The following SLC13A3 variants were observed in gnomAD, a reference collection of about 807,000 sequenced individuals.
SLC13A3 encodes the protein solute carrier family 13 member 3.
In SLC13A3, 40 loss-of-function variants were observed where a neutral mutation model predicts 59.0. The observed-to-expected ratio is 0.68, with a 90% CI of 0.53 to 0.88. SLC13A3 has a LOEUF of 0.88. Among genes scored for constraint, SLC13A3 ranks in the 40% least tolerant of loss-of-function variants. The pLI, the probability that SLC13A3 is intolerant of heterozygous loss-of-function variation, is 0.00. For missense variants in SLC13A3, 699 were observed against 783.2 expected, an observed-to-expected ratio of 0.89 and a Z score of 1.28; for synonymous variants, 317 against 330.3, an observed-to-expected ratio of 0.96 and a Z score of 0.44.
intron 1 of SLC13A3, among the ~76,000 whole-genome samples, chr20:46,634,887 G>C (rs1468731443): frequency 6.6e-6 from 1 of 152,130 alleles, no homozygotes; most frequent in Non-Finnish European, 1.5e-5. Context: ...GGCATGGTGG[G>C]GTGCACCAAA....
rs117289881 is a variant in SLC13A3 at position 46,618,917 on chromosome 20, C to T, written c.112-5192G>A. 1.0e-3 allele frequency among the ~76,000 whole-genome samples: 152 copies of T among 152,306 alleles called. 1 individual carries two copies. In the East Asian group the frequency reaches 0.025, roughly 25 times the overall value. On this transcript the variant is annotated intron_variant, in intron 1 of 12. Coordinates refer to ENST00000279027, the MANE Select transcript of SLC13A3 (RefSeq NM_022829.6). ...ACACTCCAGGAGTAGCTCCTAGCCACGAACTTCAGTTGCCTTTCAGTGGGA... is the reference window on the plus strand; with the variant it reads ...ACACTCCAGGAGTAGCTCCTAGCCATGAACTTCAGTTGCCTTTCAGTGGGA...
chr20:46,677,578 G>T (rs1208627917), intron 1 of SLC13A3, among the ~76,000 whole-genome samples: 1 of 152,126 alleles, frequency 6.6e-6, no homozygotes, highest in Admixed American at 6.5e-5. Flanking sequence ...CTTGTGATGG[G>T]GGCAGAGACT....
intron 1 of SLC13A3, among the ~76,000 whole-genome samples, chr20:46,615,272 C>A (rs1252836425): frequency 6.6e-6 from 1 of 152,114 alleles, no homozygotes; most frequent in African/African-American, 2.4e-5. Context: ...ATGGCTCTTA[C>A]TTTATAGTAA....
At position 46,613,499 on chromosome 20, in the gene SLC13A3, G is replaced by A. The variant is rs1363101168; in HGVS notation, c.338C>T (p.Ala113Val). ...IEEWNLHRRIALKILMLVGVQ... is the reference protein window; with the variant it reads ...IEEWNLHRRIVLKILMLVGVQ... The stretch of plus-strand genomic sequence containing the variant: ...TCCAACAAGCATCAGGATCTTGAGG[G>A]CGATTCGCCGGTGCAGGTTCCACTC... The change falls in exon 2 of 13, where the codon GCC (alanine) becomes GTC (valine). Residue 113 changes from alanine (A) to valine (V), a missense_variant. Transcript: ENST00000279027. 3 of 1,609,210 alleles carry A rather than the reference G, an allele frequency of 1.9e-6. No individual in the cohort carries two copies. The highest frequency in any genetic ancestry group is 2.5e-6 in the Non-Finnish European group (3 of 1,177,304).
chr20:46,672,226 T>C (rs2063096955), upstream of SLC13A3, among the ~76,000 whole-genome samples: 1 of 152,208 alleles, frequency 6.6e-6, no homozygotes. Context: ...ATGAGATGGG[T>C]TGAATTGAAT....
chr20:46,608,035 G>C (rs1273373564), intron 3 of SLC13A3, among the ~76,000 whole-genome samples: 2 of 152,182 alleles, frequency 1.3e-5, no homozygotes, highest in African/African-American at 2.4e-5. Context: ...ATGGGGAAAA[G>C]GGCAGAGTCC....
intron 10 of SLC13A3, among the ~76,000 whole-genome samples, chr20:46,568,256 G>A (rs1300678386): frequency 6.6e-6 from 1 of 151,618 alleles, no homozygotes; most frequent in African/African-American, 2.4e-5. Context: ...AAATTAGCCA[G>A]GCGTGGTGGT....
At position 46,661,873 on chromosome 20, in the gene SLC13A3, T is replaced by G. The variant is rs189850369; in HGVS notation, c.-31+8170A>C. The stretch of plus-strand genomic sequence containing the variant: ...GCCTACTTTTGAGAGTGTCTTATAC[T>G]TAAGAGAGGCCCCTTGCTTTCAGGG... On this transcript the variant is annotated intron_variant, in intron 1 of 12. Coordinates refer to the SLC13A3 transcript ENST00000290317. Among the ~76,000 whole-genome samples, 343 of 152,306 alleles carry G rather than the reference T, an allele frequency of 2.3e-3. 2 individuals carry two copies. Among genetic ancestry groups the G allele is most frequent in the African/African-American group, 8.0e-3 (331 of 41,558 alleles).
intron 1 of SLC13A3, among the ~76,000 whole-genome samples, chr20:46,617,232 C>T (rs2062564906): frequency 6.6e-6 from 1 of 152,184 alleles, no homozygotes; most frequent in African/African-American, 2.4e-5. Context: ...ATCCATTTAG[C>T]AAACTTTATT....
At chr20:46,648,227 G>A (rs1028169000) in intron 1 of SLC13A3, among the ~76,000 whole-genome samples, 2 of 150,028 alleles carry the variant, frequency 1.3e-5, no homozygotes, top group Admixed American at 6.6e-5. Context: ...CTGGCAGTGA[G>A]CTGCACTTTT....
chr20:46,631,213 C>T (rs1456653062), intron 1 of SLC13A3, among the ~76,000 whole-genome samples: 1 of 152,130 alleles, frequency 6.6e-6, no homozygotes, highest in Non-Finnish European at 1.5e-5. Flanking sequence ...CTAGTGAGTA[C>T]AGGACAGAGA....
chr20:46,624,598 A>G (rs2143500), intron 1 of SLC13A3, among the ~76,000 whole-genome samples: 103,085 of 152,140 alleles, frequency 0.68, 36,342 homozygotes, highest in African/African-American at 0.87. Flanking sequence ...TCCAATCAGT[A>G]TTAGGATGGA....
intron 1 of SLC13A3, among the ~76,000 whole-genome samples, chr20:46,675,232 T>C (rs976907828): frequency 3.3e-5 from 5 of 151,738 alleles, no homozygotes; most frequent in East Asian, 3.9e-4. Context: ...TCTTTTCTTT[T>C]CTTTTTTGTT....
intron 5 of SLC13A3, among the ~76,000 whole-genome samples, chr20:46,593,786 G>T (rs1170681904): frequency 6.6e-6 from 1 of 151,990 alleles, no homozygotes; most frequent in African/African-American, 2.4e-5. Flanking sequence ...AATAAAATCA[G>T]ACTATAAAAC....
At chr20:46,651,693 C>T (rs2062953663), upstream of SLC13A3, among the ~76,000 whole-genome samples, 1 of 152,260 alleles carries the variant, frequency 6.6e-6, no homozygotes. Flanking sequence ...AGCAATGTGG[C>T]CTGGGGCAGC....
chr20:46,612,731 T>C (rs1353840647), intron 2 of SLC13A3, among the ~76,000 whole-genome samples: 1 of 152,002 alleles, frequency 6.6e-6, no homozygotes, highest in Non-Finnish European at 1.5e-5. Context: ...GCCAAAAGGG[T>C]TTATGGAACA....
chr20:46,566,501 G>GT, intron 10 of SLC13A3, 111 bp from the exon 11 acceptor site: 2 of 1,268,644 alleles, frequency 1.6e-6, no homozygotes, highest in Non-Finnish European at 2.2e-6. Flanking sequence ...CCCAGATGGG[G>GT]AGACTGAGGT....
At chr20:46,638,812 C>T (rs902840879) in intron 1 of SLC13A3, among the ~76,000 whole-genome samples, 5 of 152,190 alleles carry the variant, frequency 3.3e-5, no homozygotes, top group African/African-American at 1.2e-4. Context: ...CCTGAGGATT[C>T]TCTGTGGGGG....
At chr20:46,608,148 T>C (rs768687290) in intron 3 of SLC13A3, among the ~76,000 whole-genome samples, 1 of 152,194 alleles carries the variant, frequency 6.6e-6, no homozygotes, top group Non-Finnish European at 1.5e-5. Context: ...GTCAGTGACC[T>C]ACAATATGCA....
Sources: gnomAD v4.1 joint callset for allele counts (sites outside exome capture counted in the v4.1 genomes callset) on GRCh38, gnomAD v4.1.1 for gene constraint, MANE v1.5 for transcripts, NCBI Gene and HGNC (gene_info 2026-07-23, HGNC 2026-07-21) for gene names.